The following DGKB variants were observed in gnomAD, a reference collection of about 807,000 sequenced individuals.
DGKB encodes 90 kDa diacylglycerol kinase.
A neutral mutation model predicts 114.3 loss-of-function variants in DGKB; 67 were observed. The observed-to-expected ratio is 0.59, with a 90% CI of 0.48 to 0.72. The LOEUF (loss-of-function observed/expected upper bound fraction) is 0.72, where lower values mean the gene tolerates loss of function less well. Among genes scored for constraint, DGKB ranks in the 30% least tolerant of loss-of-function variants. The pLI is 0.00. For missense variants in DGKB, 907 were observed against 975.2 expected (o/e 0.93, Z 0.93); for synonymous variants, 398 against 323.1 (o/e 1.23, Z -2.49).
chr7:14,252,183 T>C (rs1351652476), intron 23 of DGKB, among the ~76,000 whole-genome samples: 2 of 152,190 alleles, frequency 1.3e-5, no homozygotes, highest in African/African-American at 4.8e-5. Context: ...TTCAGGTTTT[T>C]TATTCTTCTT....
chr7:14,488,396 T>C (rs1422585579), intron 20 of DGKB, among the ~76,000 whole-genome samples: 1 of 152,178 alleles, frequency 6.6e-6, no homozygotes, highest in African/African-American at 2.4e-5. Context: ...ACACTTACTA[T>C]AACCACAGAT....
chr7:14,301,299 C>T (rs1026860805), intron 23 of DGKB, among the ~76,000 whole-genome samples: 2 of 152,046 alleles, frequency 1.3e-5, no homozygotes, highest in African/African-American at 2.4e-5. Flanking sequence ...AATAGTTGAT[C>T]CACAGTGCAA....
At chr7:14,525,494 G>A (rs1790498680) in intron 20 of DGKB, among the ~76,000 whole-genome samples, 1 of 152,110 alleles carries the variant, frequency 6.6e-6, no homozygotes, top group African/African-American at 2.4e-5. Context: ...TCCCCACTAA[G>A]CAGCAAGGAA....
At chr7:14,621,583 T>C (rs1050065783) in intron 14 of DGKB, 89 bp from the exon 15 acceptor site, 7 of 774,762 alleles carry the variant, frequency 9.0e-6, no homozygotes, top group African/African-American at 8.8e-5. Flanking sequence ...AAGAGTTTCA[T>C]GGTTACAAAC....
chr7:14,946,380 A>C (rs2128257592), intron 1 of DGKB, among the ~76,000 whole-genome samples: 1 of 151,340 alleles, frequency 6.6e-6, no homozygotes, highest in African/African-American at 2.4e-5. Flanking sequence ...TCCAAACCAA[A>C]CTCCCATTTG....
chr7:14,597,113 C>A (rs1015988499), intron 17 of DGKB, among the ~76,000 whole-genome samples: 8 of 152,004 alleles, frequency 5.3e-5, no homozygotes, highest in Non-Finnish European at 1.2e-4. Context: ...GAGGCTGAGG[C>A]AGGAGAATGG....
At chr7:14,465,586 T>A (rs73679788) in intron 21 of DGKB, among the ~76,000 whole-genome samples, 11,088 of 152,160 alleles carry the variant, frequency 0.073, 527 homozygotes, top group East Asian at 0.21. Context: ...TAATTTAGTT[T>A]TGCAACACAG....
intron 23 of DGKB, among the ~76,000 whole-genome samples, chr7:14,318,494 C>A (rs1451895491): frequency 1.3e-5 from 2 of 152,204 alleles, no homozygotes; most frequent in Non-Finnish European, 2.9e-5. Flanking sequence ...ACAGACACTT[C>A]TCAAAAGAAG....
intron 1 of DGKB, among the ~76,000 whole-genome samples, chr7:14,851,727 A>G (rs372969630): frequency 6.6e-6 from 1 of 152,210 alleles, no homozygotes; most frequent in Non-Finnish European, 1.5e-5. Flanking sequence ...TTCTTGGGAT[A>G]CTTGTTCTTG....
At chr7:14,151,546 C>G (rs1001620094) in intron 25 of DGKB, among the ~76,000 whole-genome samples, 1 of 151,804 alleles carries the variant, frequency 6.6e-6, no homozygotes, top group Non-Finnish European at 1.5e-5. Context: ...ACAATGGGAC[C>G]TTTAATCTAT....
chr7:14,700,463 G>C (rs567043588), intron 7 of DGKB, among the ~76,000 whole-genome samples: 1 of 152,166 alleles, frequency 6.6e-6, no homozygotes, highest in African/African-American at 2.4e-5. Flanking sequence ...TCGCCTGCCC[G>C]TCTTGGCATC....
chr7:14,771,611 A>G (rs796198934), intron 2 of DGKB, among the ~76,000 whole-genome samples: 25 of 152,206 alleles, frequency 1.6e-4, no homozygotes, highest in African/African-American at 5.8e-4. Flanking sequence ...AATTCTCATC[A>G]TCAGATGGGT....
chr7:14,747,775 G>GCGCGCGCGTGCACA, intron 4 of DGKB, among the ~76,000 whole-genome samples: 1 of 149,178 alleles, frequency 6.7e-6, no homozygotes, highest in African/African-American at 2.5e-5. Flanking sequence ...ACATCCACGC[G>GCGCGCGCGTGCACA]CACGCACACA....
chr7:14,228,021 G>A (rs544020265), intron 23 of DGKB, among the ~76,000 whole-genome samples: 110 of 152,126 alleles, frequency 7.2e-4, no homozygotes, highest in Admixed American at 1.8e-3. Flanking sequence ...ACTAGCTACA[G>A]TATAGAGTAG....
rs1823874029 is a variant in DGKB at position 14,405,993 on chromosome 7, A to G, written c.1836-60602T>C. On this transcript the variant is annotated intron_variant, in intron 21 of 25. Coordinates refer to ENST00000402815, the MANE Select transcript of DGKB (RefSeq NM_001350709.2). ...TTTAGCTTGAAGGAGAAAAAGGAGG[A>G]GGTTGTATTACCAGAGCCCAGGGGT... 2.0e-5 allele frequency among the ~76,000 whole-genome samples: 3 copies of G among 152,048 alleles called. No homozygotes were observed. The South Asian group carries it at 6.2e-4, about 32-fold the overall frequency.
At chr7:14,177,714 T>G (rs1781996248) in intron 24 of DGKB, among the ~76,000 whole-genome samples, 1 of 152,098 alleles carries the variant, frequency 6.6e-6, no homozygotes, top group African/African-American at 2.4e-5. Context: ...TCATAGATAA[T>G]TTGCCCAGTA....
At chr7:14,800,126 C>T (rs1410476060) in intron 2 of DGKB, among the ~76,000 whole-genome samples, 2 of 152,090 alleles carry the variant, frequency 1.3e-5, no homozygotes, top group African/African-American at 4.8e-5. Flanking sequence ...CCATTTTAGC[C>T]AGGATGGTCT....
At chr7:14,697,900 AAGAGAGAAGGAAGGAAG>A (rs1824322238) in intron 8 of DGKB, among the ~76,000 whole-genome samples, 178 bp downstream of exon 8, 1 of 129,264 alleles carries the variant, frequency 7.7e-6, no homozygotes, top group Non-Finnish European at 1.6e-5. Context: ...AAGAAAGAGA[AAGAGAGAAGGAAGGAAG>A]AGAGAGAAAG....
At chr7:14,810,111 G>A (rs946035372) in intron 2 of DGKB, among the ~76,000 whole-genome samples, 2 of 152,112 alleles carry the variant, frequency 1.3e-5, no homozygotes, top group African/African-American at 4.8e-5. Flanking sequence ...ATTCGTGCAC[G>A]TTGCAAACAC....
Sources: allele counts gnomAD v4.1 joint callset (sites outside exome capture counted in the v4.1 genomes callset), GRCh38; gene constraint gnomAD v4.1.1; transcripts MANE v1.5; gene names NCBI Gene and HGNC (gene_info 2026-07-23, HGNC 2026-07-21).